The following B4GALNT2 variants were observed in gnomAD, a reference collection of about 807,000 sequenced individuals.
The protein encoded by B4GALNT2 is N-acetylneuraminylgalactosylglucosyl-glucoside beta-1,4-N- acetylgalactosaminyltransferase 2.
In B4GALNT2, 42 loss-of-function variants were observed where a neutral mutation model predicts 51.1. The ratio of observed to expected loss-of-function variants is 0.82; its 90% CI spans 0.64 to 1.06. B4GALNT2 has a LOEUF of 1.06. Among genes scored for constraint, B4GALNT2 ranks in the 50% least tolerant of loss-of-function variants. The pLI, the probability that B4GALNT2 is intolerant of heterozygous loss-of-function variation, is 0.00. For synonymous variants in B4GALNT2, 253 were observed against 251.7 expected (o/e 1.01, Z -0.05); for missense variants, 602 against 633.6 (o/e 0.95, Z 0.54).
chr17:49,164,818 CA>C (rs1162673477), intron 8 of B4GALNT2, among the ~76,000 whole-genome samples: 1 of 145,858 alleles, frequency 6.9e-6, no homozygotes, highest in African/African-American at 2.5e-5. Context: ...TTTTATTTTT[CA>C]TTTTTTTTGA....
upstream of B4GALNT2, among the ~76,000 whole-genome samples, chr17:49,127,893 T>C (rs1223110586): frequency 6.6e-6 from 1 of 152,182 alleles, no homozygotes; most frequent in Non-Finnish European, 1.5e-5. Flanking sequence ...GTCTTTCATA[T>C]ATGCACCAAG....
At chr17:49,164,830 G>A in intron 8 of B4GALNT2, among the ~76,000 whole-genome samples, 1 of 151,620 alleles carries the variant, frequency 6.6e-6, no homozygotes, top group South Asian at 2.1e-4. Flanking sequence ...TTTTTTTTGA[G>A]ATGGAGTCTT....
In B4GALNT2 at chr17:49,172,293, G is replaced by A. The variant is rs1393770431; in HGVS notation, c.*2565G>A. ...TTCCTCAGCATCTGGCTCGTGGCAAGGTTTCAGGTGTCTTGATGGCACCCA... is the reference window on the plus strand; with the variant it reads ...TTCCTCAGCATCTGGCTCGTGGCAAAGTTTCAGGTGTCTTGATGGCACCCA... On this transcript the variant is annotated 3_prime_UTR_variant, in exon 11 of 11. Coordinates refer to ENST00000393354, the MANE Select transcript of B4GALNT2 (RefSeq NM_001159387.2). 5.7e-6 allele frequency: 1 copy of A among 175,066 alleles called. No homozygotes were observed. The highest frequency in any genetic ancestry group is 1.2e-5 in the Non-Finnish European group (1 of 82,556). 10.8% of individuals were successfully genotyped at this position (175,066 alleles called of 1,614,324 possible).
chr17:49,134,204 G>A (rs1598193463), intron 1 of B4GALNT2, among the ~76,000 whole-genome samples: 1 of 152,118 alleles, frequency 6.6e-6, no homozygotes, highest in Admixed American at 6.6e-5. Flanking sequence ...ATGCATAAAA[G>A]GTCTGCAGTT....
rs934085045 is a variant in B4GALNT2 at position 49,174,586 on chromosome 17, T to C, written c.*4858T>C. ...CTCTTAAGTCAGTTAACAGTCTCCA[T>C]GTACCTGATTTTTTCTTAATTATAA... On this transcript the variant is annotated 3_prime_UTR_variant, in exon 11 of 11. Transcript: ENST00000393354. 6.6e-6 allele frequency: 1 copy of C among 152,220 alleles called. No homozygotes were observed. The highest frequency in any genetic ancestry group is 2.4e-5 in the African/African-American group (1 of 41,444). 9.4% of individuals were successfully genotyped at this position (152,220 alleles called of 1,614,324 possible).
intron 8 of B4GALNT2, 26 bp from the exon 9 acceptor site, chr17:49,166,088 C>G: frequency 6.2e-7 from 1 of 1,607,278 alleles, no homozygotes; most frequent in Non-Finnish European, 8.5e-7. Flanking sequence ...TGGGCAACCA[C>G]TCCTTTAACC....
chr17:49,144,774 G>T (rs1463383240), intron 3 of B4GALNT2, among the ~76,000 whole-genome samples: 1 of 152,020 alleles, frequency 6.6e-6, no homozygotes, highest in Admixed American at 6.6e-5. Context: ...TAACAGGGGG[G>T]AGAGAGAGAG....
At chr17:49,156,659 A>G (rs2042813761) in intron 5 of B4GALNT2, 56 bp downstream of exon 5, 4 of 1,576,798 alleles carry the variant, frequency 2.5e-6, no homozygotes, top group Admixed American at 1.7e-5. Flanking sequence ...CATTCCCTCA[A>G]CTGTGGCTGC....
upstream of B4GALNT2, among the ~76,000 whole-genome samples, chr17:49,129,086 T>G (rs1406929024): frequency 1.3e-5 from 2 of 152,146 alleles, no homozygotes; most frequent in African/African-American, 4.8e-5. Flanking sequence ...TCTTACCAGT[T>G]AGCTGGATTA....
chr17:49,139,430 C>T (rs2042619620), intron 1 of B4GALNT2, among the ~76,000 whole-genome samples: 1 of 151,952 alleles, frequency 6.6e-6, no homozygotes, highest in African/African-American at 2.4e-5. Context: ...GAGACATTCA[C>T]CATGTTGCTG....
chr17:49,125,601 G>A, the B4GALNT2 span, among the ~76,000 whole-genome samples: 2 of 150,752 alleles, frequency 1.3e-5, no homozygotes, highest in African/African-American at 4.9e-5. Context: ...CTGCCCGGCT[G>A]CCCGTCGTCT....
In B4GALNT2 at chr17:49,160,442, C is replaced by T. The variant is rs1364754661; in HGVS notation, c.680-113C>T. On this transcript the variant is annotated intron_variant, in intron 6 of 10. Transcript: ENST00000393354. ...ATGGGGTCCTTGATCTCATCCCAACCAGGACTCTCCCCACCAAACCTGTAC... is the reference window on the plus strand; with the variant it reads ...ATGGGGTCCTTGATCTCATCCCAACTAGGACTCTCCCCACCAAACCTGTAC... 15 of 1,006,050 alleles carry T rather than the reference C, an allele frequency of 1.5e-5. No homozygotes were observed. In the Admixed American group the frequency reaches 2.4e-4, roughly 16 times the overall value. The allele number at this position is 1,006,050 out of a possible 1,614,324, so 62.3% of individuals were successfully genotyped here.
intron 3 of B4GALNT2, among the ~76,000 whole-genome samples, chr17:49,150,135 C>T (rs1006757094): frequency 4.0e-5 from 6 of 151,144 alleles, no homozygotes; most frequent in South Asian, 4.2e-4. Flanking sequence ...CTCTGCCCGG[C>T]CGCCCCTACT....
In B4GALNT2 at chr17:49,169,857, C is replaced by A; in HGVS notation, c.*129C>A. The A allele has an allele frequency of 1.1e-6, 1 of 901,924 alleles. No homozygotes were observed. Among genetic ancestry groups the A allele is most frequent in the Non-Finnish European group, 1.6e-6 (1 of 623,410 alleles). 55.9% of individuals were successfully genotyped at this position (901,924 alleles called of 1,614,324 possible). A position where few individuals can be genotyped will look rare whatever the true frequency, so the allele number is the denominator to read the frequency against. ...TGGTGGGTAGGGAAAAGGGAAATGG[C>A]TCAGTTACTGGAAGTACCAATCAAA... On this transcript the variant is annotated 3_prime_UTR_variant, in exon 11 of 11. Coordinates refer to ENST00000393354, the MANE Select transcript of B4GALNT2 (RefSeq NM_001159387.2).
intron 2 of B4GALNT2, among the ~76,000 whole-genome samples, chr17:49,141,721 C>T (rs1237629762): frequency 6.6e-6 from 1 of 152,164 alleles, no homozygotes; most frequent in East Asian, 1.9e-4. Flanking sequence ...CTCTGTCTCT[C>T]TGCCCTCCTT....
At chr17:49,154,665 G>A (rs2144314763) in intron 4 of B4GALNT2, among the ~76,000 whole-genome samples, 1 of 152,116 alleles carries the variant, frequency 6.6e-6, no homozygotes, top group Non-Finnish European at 1.5e-5. Flanking sequence ...GCACTGAGGA[G>A]CATGACAGAT....
intron 3 of B4GALNT2, among the ~76,000 whole-genome samples, chr17:49,147,521 C>T (rs1217131308): frequency 6.6e-6 from 1 of 151,846 alleles, no homozygotes; most frequent in African/African-American, 2.4e-5. Context: ...ACTACAGGTG[C>T]ATGCTACCAT....
chr17:49,154,533 G>A (rs2042789689), intron 4 of B4GALNT2, among the ~76,000 whole-genome samples: 1 of 151,296 alleles, frequency 6.6e-6, no homozygotes, highest in Non-Finnish European at 1.5e-5. Flanking sequence ...CATGGCTTCT[G>A]GAGGCAAACA....
intron 4 of B4GALNT2, among the ~76,000 whole-genome samples, chr17:49,155,601 C>G (rs1341501629): frequency 7.1e-6 from 1 of 140,144 alleles, no homozygotes; most frequent in Non-Finnish European, 1.5e-5. Context: ...GACCCCATCT[C>G]AAAAAAAAAT....
Sources: gnomAD v4.1 joint callset for allele counts (sites outside exome capture counted in the v4.1 genomes callset) on GRCh38, gnomAD v4.1.1 for gene constraint, MANE v1.5 for transcripts, NCBI Gene and HGNC (gene_info 2026-07-23, HGNC 2026-07-21) for gene names.